Variants in ST7 observed in about 807,000 individuals in gnomAD.
ST7 encodes suppression of tumorigenicity 7, also known as suppressor of tumorigenicity 7 protein.
In ST7, 28 loss-of-function variants were observed where a neutral mutation model predicts 78.7. The observed-to-expected ratio is 0.36, with a 90% CI of 0.26 to 0.49. ST7 has a LOEUF of 0.49. Ranked by LOEUF, ST7 falls within the 20% of genes least tolerant of loss-of-function variation. The probability of loss-of-function intolerance (pLI) is 0.99; values close to 1 mark genes in which losing one functional copy is unlikely to be tolerated. For missense variants in ST7, 418 were observed against 696.0 expected (o/e 0.60, Z 4.49); for synonymous variants, 247 against 249.6 (o/e 0.99, Z 0.10).
intron 2 of ST7, chr7:117,118,544 GTAA>G (rs1803093087): frequency 6.6e-6 from 1 of 152,170 alleles, no homozygotes; most frequent in African/African-American, 2.4e-5. Context: ...TATGGAATAA[GTAA>G]GGGTAAAGGT....
intron 1 of ST7, among the ~76,000 whole-genome samples, chr7:117,059,658 A>G (rs1215196284): frequency 6.6e-6 from 1 of 151,980 alleles, no homozygotes; most frequent in Non-Finnish European, 1.5e-5. Context: ...GGTCAGAAGT[A>G]CTGTGGATCT....
At chr7:117,208,213 A>C (rs1791956998) in intron 12 of ST7, among the ~76,000 whole-genome samples, 1 of 152,198 alleles carries the variant, frequency 6.6e-6, no homozygotes, top group African/African-American at 2.4e-5. Context: ...TTAGGAGGAA[A>C]GCAGTAGTTC....
chr7:117,004,390 A>G (rs1345558166), intron 1 of ST7, among the ~76,000 whole-genome samples: 1 of 152,226 alleles, frequency 6.6e-6, no homozygotes, highest in Admixed American at 6.5e-5. Context: ...TTTAATCTCA[A>G]CAATTCGGAA....
chr7:116,993,482 C>A lies in ST7; in HGVS notation c.151+39791C>A, dbSNP rs1486303088. Among the ~76,000 whole-genome samples, 10 of 152,182 alleles carry A rather than the reference C, an allele frequency of 6.6e-5. No individual in the cohort carries two copies. In the East Asian group the frequency reaches 1.9e-3, roughly 29 times the overall value. ...GGCCCCCATGATTCAAATTACCTCC[C>A]ACCGGCTCCCTCCCACAACACGTGG... On this transcript the variant is annotated intron_variant, in intron 1 of 15. Transcript: ENST00000323984.
intron 1 of ST7, among the ~76,000 whole-genome samples, chr7:117,080,019 C>T (rs187621838): frequency 0.093 from 10,824 of 116,872 alleles, 518 homozygotes; most frequent in Middle Eastern, 0.3. Context: ...CTCGCTCTGT[C>T]GCCCAGGCTG....
At chr7:117,093,096 C>A (rs1382612893) in intron 1 of ST7, among the ~76,000 whole-genome samples, 1 of 152,164 alleles carries the variant, frequency 6.6e-6, no homozygotes, top group Non-Finnish European at 1.5e-5. Context: ...TGTTAGACTT[C>A]AGGGACATTT....
At chr7:117,038,307 T>G (rs985978948) in intron 1 of ST7, among the ~76,000 whole-genome samples, 1 of 152,238 alleles carries the variant, frequency 6.6e-6, no homozygotes, top group Non-Finnish European at 1.5e-5. Flanking sequence ...CTAGTGATGC[T>G]GTCATTTCTT....
intron 1 of ST7, among the ~76,000 whole-genome samples, chr7:117,026,859 G>T (rs1796207615): frequency 6.6e-6 from 1 of 152,276 alleles, no homozygotes; most frequent in African/African-American, 2.4e-5. Context: ...CTTAAGGCTG[G>T]GTGAAGACTG....
chr7:117,011,279 G>A (rs890593300), intron 1 of ST7, among the ~76,000 whole-genome samples: 7 of 152,222 alleles, frequency 4.6e-5, no homozygotes, highest in East Asian at 1.9e-4. Flanking sequence ...ACATAAACAC[G>A]CTGAATTAGG....
chr7:117,016,310 T>C (rs904235498), intron 1 of ST7, among the ~76,000 whole-genome samples: 1 of 152,140 alleles, frequency 6.6e-6, no homozygotes, highest in African/African-American at 2.4e-5. Context: ...TTATGTGTGG[T>C]ACTACATTGA....
intron 2 of ST7, among the ~76,000 whole-genome samples, chr7:117,119,008 G>A (rs1803140092): frequency 6.6e-6 from 1 of 152,168 alleles, no homozygotes; most frequent in African/African-American, 2.4e-5. Flanking sequence ...GTGGCTGGGT[G>A]CTATCCATGT....
chr7:117,083,609 T>C (rs886361410), intron 1 of ST7, among the ~76,000 whole-genome samples: 1 of 152,146 alleles, frequency 6.6e-6, no homozygotes, highest in Non-Finnish European at 1.5e-5. Context: ...AGTATAGGAA[T>C]GGGGTAGTGT....
chr7:116,959,194 A>G (rs1014255337), intron 1 of ST7: 19 of 469,994 alleles, frequency 4.0e-5, no homozygotes, highest in Non-Finnish European at 7.5e-5. Flanking sequence ...TTCTATCTCA[A>G]AACACTTTCT....
intron 13 of ST7, 49 bp downstream of exon 13, chr7:117,209,986 C>T (rs1295084259): frequency 6.3e-7 from 1 of 1,590,594 alleles, no homozygotes; most frequent in Non-Finnish European, 8.5e-7. Context: ...TGAAAAGGTG[C>T]TAAAATGTTT....
chr7:117,089,140 T>G (rs1039749313), intron 1 of ST7, among the ~76,000 whole-genome samples: 1 of 152,232 alleles, frequency 6.6e-6, no homozygotes, highest in Non-Finnish European at 1.5e-5. Flanking sequence ...ATGGCTGAGT[T>G]AAGAGTACTA....
intron 1 of ST7, among the ~76,000 whole-genome samples, chr7:117,078,159 A>T (rs921247626): frequency 6.6e-6 from 1 of 152,242 alleles, no homozygotes; most frequent in Non-Finnish European, 1.5e-5. Context: ...ACAAGGTTCC[A>T]TGTGGCTAGA....
At chr7:117,042,369 C>T (rs1400380733) in intron 1 of ST7, among the ~76,000 whole-genome samples, 1 of 152,024 alleles carries the variant, frequency 6.6e-6, no homozygotes, top group African/African-American at 2.4e-5. Context: ...CAGAAATTCC[C>T]CAAAATGGAG....
chr7:117,050,412 A>G (rs1413872850), intron 1 of ST7, among the ~76,000 whole-genome samples: 2 of 152,218 alleles, frequency 1.3e-5, no homozygotes, highest in Non-Finnish European at 2.9e-5. Context: ...GTAGCACAGC[A>G]TGCACTACAG....
At chr7:117,202,965 C>T (rs373465229) in intron 12 of ST7, among the ~76,000 whole-genome samples, 4 of 152,162 alleles carry the variant, frequency 2.6e-5, no homozygotes, top group South Asian at 2.1e-4. Flanking sequence ...CCTGCAGAAC[C>T]GAACAGAACC....
Sources: gnomAD v4.1 joint callset for allele counts (sites outside exome capture counted in the v4.1 genomes callset) on GRCh38, gnomAD v4.1.1 for gene constraint, MANE v1.5 for transcripts, NCBI Gene and HGNC (gene_info 2026-07-23, HGNC 2026-07-21) for gene names.